The following OR9Q1 variants were observed in gnomAD, a reference collection of about 807,000 sequenced individuals.
OR9Q1 encodes the protein olfactory receptor family 9 subfamily Q member 1, also known as olfactory receptor 9Q1.
For synonymous variants in OR9Q1, 153 were observed against 148.6 expected, an observed-to-expected ratio of 1.03 and a Z score of -0.22; for missense variants, 374 against 378.8, an observed-to-expected ratio of 0.99 and a Z score of 0.11.
intron 2 of OR9Q1, among the ~76,000 whole-genome samples, chr11:58,099,280 T>C (rs1596992): frequency 0.13 from 19,323 of 145,786 alleles, 1,517 homozygotes; most frequent in South Asian, 0.21. Context: ...TTATATATAA[T>C]ATATAAAATA....
intron 1 of OR9Q1, among the ~76,000 whole-genome samples, chr11:58,025,443 G>T (rs953621973): frequency 2.6e-5 from 4 of 152,114 alleles, no homozygotes; most frequent in Non-Finnish European, 4.4e-5. Context: ...CTTGTGATCC[G>T]CCCGCTCAGC....
At chr11:58,080,511 G>C (rs1853577795) in intron 2 of OR9Q1, among the ~76,000 whole-genome samples, 1 of 152,118 alleles carries the variant, frequency 6.6e-6, no homozygotes, top group African/African-American at 2.4e-5. Flanking sequence ...ATACCTAATA[G>C]TGGGATTGCT....
intron 1 of OR9Q1, among the ~76,000 whole-genome samples, chr11:58,026,325 C>G (rs549855196): frequency 9.2e-5 from 14 of 152,296 alleles, no homozygotes; most frequent in South Asian, 4.2e-4. Flanking sequence ...GAAATTCTGT[C>G]TCTCAACCTT....
At chr11:58,109,740 G>C (rs990662742) in intron 2 of OR9Q1, 1 of 368,882 alleles carries the variant, frequency 2.7e-6, no homozygotes, top group Non-Finnish European at 5.3e-6. Context: ...TTTCTTCAGC[G>C]TCAGATGTTA....
At chr11:58,039,727 A>T (rs532152494) in intron 1 of OR9Q1, among the ~76,000 whole-genome samples, 55 of 152,208 alleles carry the variant, frequency 3.6e-4, no homozygotes, top group Middle Eastern at 3.4e-3. Context: ...AGTCCACTCC[A>T]CTCAGGTTAG....
chr11:58,138,326 T>C (rs1023532692), intron 2 of OR9Q1, among the ~76,000 whole-genome samples: 2 of 152,198 alleles, frequency 1.3e-5, no homozygotes, highest in African/African-American at 4.8e-5. Context: ...CAGTGTAAGC[T>C]AATGTTAAGC....
intron 2 of OR9Q1, among the ~76,000 whole-genome samples, chr11:58,128,674 A>G (rs1854112641): frequency 6.6e-6 from 1 of 152,200 alleles, no homozygotes; most frequent in Admixed American, 6.5e-5. Flanking sequence ...CATCAACAAG[A>G]TGAATGGATA....
At chr11:58,179,000 G>GAGAA (rs935428060) in intron 2 of OR9Q1, among the ~76,000 whole-genome samples, 3 of 119,502 alleles carry the variant, frequency 2.5e-5, no homozygotes, top group Non-Finnish European at 5.1e-5. Flanking sequence ...GAGAGAGAGA[G>GAGAA]AGAAAGAAAG....
chr11:58,054,478 C>T (rs767007740), intron 1 of OR9Q1, among the ~76,000 whole-genome samples: 1 of 152,190 alleles, frequency 6.6e-6, no homozygotes, highest in Non-Finnish European at 1.5e-5. Flanking sequence ...AATATTTTTG[C>T]ATATTTATTA....
rs917409070 is a variant in OR9Q1, at chr11:58,179,345, A to G, written c.-14-86A>G. ...GGCACACCTGGCATATTTTGTCCACAGTACATTTTCAATAAATGTGAACTA... is the reference window on the plus strand; with the variant it reads ...GGCACACCTGGCATATTTTGTCCACGGTACATTTTCAATAAATGTGAACTA... On this transcript the variant is annotated intron_variant, in intron 2 of 2. Coordinates refer to ENST00000335397, the MANE Select transcript of OR9Q1 (RefSeq NM_001005212.4). 6 of 851,858 alleles carry G rather than the reference A, an allele frequency of 7.0e-6. No homozygotes were observed. In the East Asian group the frequency reaches 9.9e-5, roughly 14 times the overall value. 52.8% of individuals were successfully genotyped at this position (851,858 alleles called of 1,614,324 possible). A position where few individuals can be genotyped will look rare whatever the true frequency, so the allele number is the denominator to read the frequency against.
chr11:58,118,665 CA>C, intron 2 of OR9Q1: 2 of 1,613,902 alleles, frequency 1.2e-6, no homozygotes, highest in Non-Finnish European at 1.7e-6. Context: ...AGCCACTTTG[CA>C]GATACATGAA....
intron 2 of OR9Q1, among the ~76,000 whole-genome samples, chr11:58,068,998 G>T (rs538355231): frequency 6.6e-5 from 10 of 152,242 alleles, no homozygotes; most frequent in African/African-American, 1.9e-4. Flanking sequence ...AAATGGCCCA[G>T]GGGAAATTCT....
At chr11:58,115,767 A>G (rs1033756669) in intron 2 of OR9Q1, among the ~76,000 whole-genome samples, 3 of 152,204 alleles carry the variant, frequency 2.0e-5, no homozygotes, top group African/African-American at 7.2e-5. Flanking sequence ...TAATACATAT[A>G]CAAAGAAGTA....
intron 1 of OR9Q1, among the ~76,000 whole-genome samples, chr11:58,053,614 T>TATATAAA (rs1853292240): frequency 9.6e-6 from 1 of 104,022 alleles, no homozygotes; most frequent in African/African-American, 3.2e-5. Context: ...AATTAAAAAA[T>TATATAAA]ATATATATAT....
At chr11:58,053,587 TTAAAG>T in intron 1 of OR9Q1, among the ~76,000 whole-genome samples, 1 of 75,426 alleles carries the variant, frequency 1.3e-5, no homozygotes, top group Admixed American at 1.4e-4. Flanking sequence ...ACCCTAAAAC[TTAAAG>T]TATAATAATA....
At position 58,180,129 on chromosome 11, in the gene OR9Q1, C is replaced by T; in HGVS notation, c.685C>T (p.Pro229Ser). 2.5e-6 allele frequency: 4 copies of T among 1,614,120 alleles called. No homozygotes were observed. Among genetic ancestry groups the T allele is most frequent in the Non-Finnish European group, 3.4e-6 (4 of 1,180,018 alleles). The change falls in exon 3 of 3, where the codon CCT becomes TCT. Residue 229 changes from proline (P) to serine (S), a missense_variant. By Grantham distance (74) the Pro-to-Ser change is moderately conservative (BLOSUM62 -1). Coordinates refer to ENST00000335397, the MANE Select transcript of OR9Q1 (RefSeq NM_001005212.4). Reference sequence around the variant, plus strand: ...TATCATCGTGGCCATCATGGGGATCCCTGCTGGAAGCCAGGCCAAGACCTT... The same window carrying T: ...TATCATCGTGGCCATCATGGGGATCTCTGCTGGAAGCCAGGCCAAGACCTT... ...LFIIVAIMGIPAGSQAKTFST... is the reference protein window; with the variant it reads ...LFIIVAIMGISAGSQAKTFST...
At chr11:58,081,690 C>A (rs1181039826) in intron 2 of OR9Q1, among the ~76,000 whole-genome samples, 1 of 151,426 alleles carries the variant, frequency 6.6e-6, no homozygotes, top group South Asian at 2.1e-4. Flanking sequence ...GTAAATTTGC[C>A]TAAGTTCTTT....
intron 2 of OR9Q1, among the ~76,000 whole-genome samples, chr11:58,115,900 C>T (rs1853949612): frequency 6.6e-6 from 1 of 152,196 alleles, no homozygotes; most frequent in Non-Finnish European, 1.5e-5. Context: ...TCCCCTTTCA[C>T]AACTCCCCTT....
chr11:58,116,514 C>T (rs1362221812), intron 2 of OR9Q1, among the ~76,000 whole-genome samples: 2 of 152,166 alleles, frequency 1.3e-5, no homozygotes, highest in South Asian at 2.1e-4. Flanking sequence ...GTTTTAAATT[C>T]TTGCTAACTT....
Sources: gnomAD v4.1 joint callset for allele counts (sites outside exome capture counted in the v4.1 genomes callset) on GRCh38, gnomAD v4.1.1 for gene constraint, MANE v1.5 for transcripts, NCBI Gene and HGNC (gene_info 2026-07-23, HGNC 2026-07-21) for gene names.